The following KCNQ3 variants were observed in gnomAD, a reference collection of about 807,000 sequenced individuals.
KCNQ3 encodes the protein potassium voltage-gated channel subfamily Q member 3, also known as potassium voltage-gated channel subfamily KQT member 3.
In KCNQ3, 30 loss-of-function variants were observed where a neutral mutation model predicts 92.5. The ratio of observed to expected loss-of-function variants is 0.32; its 90% CI spans 0.24 to 0.44. The LOEUF is 0.44. KCNQ3 is among the 20% of genes least tolerant of loss of function. The probability of loss-of-function intolerance (pLI) is 1.00; values close to 1 mark genes in which losing one functional copy is unlikely to be tolerated. For missense variants in KCNQ3, 913 were observed against 1,140.3 expected (o/e 0.80, Z 2.87); for synonymous variants, 450 against 468.8 (o/e 0.96, Z 0.52).
intron 1 of KCNQ3, among the ~76,000 whole-genome samples, chr8:132,409,980 T>G (rs957422016): frequency 1.3e-5 from 2 of 152,174 alleles, no homozygotes; most frequent in Non-Finnish European, 2.9e-5. Flanking sequence ...AATGATAGAT[T>G]TAGTCTGGCA....
At chr8:132,197,997 T>TAATTCCCTCTGCTTA (rs1827351030) in intron 1 of KCNQ3, among the ~76,000 whole-genome samples, 1 of 152,212 alleles carries the variant, frequency 6.6e-6, no homozygotes, top group African/African-American at 2.4e-5. Context: ...CATTCTTAGG[T>TAATTCCCTCTGCTTA]AATTCCCTCT....
rs1554624534 is a variant in KCNQ3, at chr8:132,154,208, T to TTGTTTTTTTTG, written c.1262+9259_1262+9260insCAAAAAAAACA. Among the ~76,000 whole-genome samples, 14 of 142,304 alleles carry TTGTTTTTTTTG rather than the reference T, an allele frequency of 9.8e-5. 1 individual carries two copies. The highest frequency in any genetic ancestry group is 3.5e-4 in the African/African-American group (13 of 37,438). 93.4% of individuals were successfully genotyped at this position (142,304 alleles called of 152,430 possible). On this transcript the variant is annotated intron_variant, in intron 9 of 14. Transcript: ENST00000388996. Reference sequence around the variant, plus strand: ...AAGGGTAAAAGTTTTTTTTTTTTTTTTTTTTTTTTTTTTTTAGCCAATCAG... The same window carrying TTGTTTTTTTTG: ...AAGGGTAAAAGTTTTTTTTTTTTTTTTGTTTTTTTTGTTTTTTTTTTTTTTTAGCCAATCAG...
chr8:132,351,982 G>T (rs9297847), intron 1 of KCNQ3, among the ~76,000 whole-genome samples: 65,673 of 151,972 alleles, frequency 0.43, 16,293 homozygotes, highest in African/African-American at 0.69. Flanking sequence ...AAGTCAGCAG[G>T]CTTAGAGTCG....
chr8:132,133,785 AT>A lies in KCNQ3; in HGVS notation c.1799+504del, dbSNP rs550195179. Among the ~76,000 whole-genome samples the A allele has an allele frequency of 1.8e-3, 270 of 152,376 alleles. 1 individual carries two copies. Among genetic ancestry groups the A allele is most frequent in the African/African-American group, 6.2e-3 (257 of 41,590 alleles). On this transcript the variant is annotated intron_variant, in intron 13 of 14. Coordinates refer to ENST00000388996, the MANE Select transcript of KCNQ3 (RefSeq NM_004519.4). ...TTAGGCAGTGGACTTTCTAAAGAAC[AT>A]CTTATTCAAAATTTTGAAGCTTTGG...
At chr8:132,325,668 G>T (rs1246234095) in intron 1 of KCNQ3, among the ~76,000 whole-genome samples, 1 of 152,218 alleles carries the variant, frequency 6.6e-6, no homozygotes, top group Non-Finnish European at 1.5e-5. Context: ...AAACCACCCT[G>T]TTGACACCTT....
intron 1 of KCNQ3, among the ~76,000 whole-genome samples, chr8:132,382,476 G>C (rs1423582922): frequency 6.6e-6 from 1 of 152,166 alleles, no homozygotes; most frequent in Non-Finnish European, 1.5e-5. Context: ...GCAGATGCTG[G>C]AGCCACACTT....
chr8:132,287,300 T>C (rs969473549), intron 1 of KCNQ3, among the ~76,000 whole-genome samples: 5 of 152,116 alleles, frequency 3.3e-5, no homozygotes, highest in Non-Finnish European at 5.9e-5. Context: ...TATAAAAGGG[T>C]TGGGTATAAA....
At chr8:132,171,133 C>T (rs142132082) in intron 7 of KCNQ3, among the ~76,000 whole-genome samples, 4 of 152,250 alleles carry the variant, frequency 2.6e-5, no homozygotes, top group African/African-American at 9.6e-5. Flanking sequence ...GTCTTTTGTA[C>T]CATTTCTGGG....
rs907278182 is a variant in KCNQ3 at position 132,128,902 on chromosome 8, C to T, written c.*360G>A. 1.2e-5 allele frequency: 3 copies of T among 248,852 alleles called. No individual in the cohort carries two copies. Among genetic ancestry groups the T allele is most frequent in the African/African-American group, 4.4e-5 (2 of 45,778 alleles). The allele number at this position is 248,852 out of a possible 1,614,324, so 15.4% of individuals were successfully genotyped here. A position where few individuals can be genotyped will look rare whatever the true frequency, so the allele number is the denominator to read the frequency against. ...TAAACTACTTTCTCTGCTTACCAAA[C>T]CAAAACCCAAACCAGCCAACCAAAC... On this transcript the variant is annotated 3_prime_UTR_variant, in exon 15 of 15. Transcript: ENST00000388996.
At chr8:132,392,790 C>CAAAAAA (rs56183412) in intron 1 of KCNQ3, among the ~76,000 whole-genome samples, 90 of 72,564 alleles carry the variant, frequency 1.2e-3, no homozygotes, top group Non-Finnish European at 1.5e-3. Flanking sequence ...GAACCTGTCT[C>CAAAAAA]AAAAAAAAAA....
At chr8:132,440,890 A>C (rs1821519850) in intron 1 of KCNQ3, among the ~76,000 whole-genome samples, 1 of 152,214 alleles carries the variant, frequency 6.6e-6, no homozygotes, top group Admixed American at 6.5e-5. Context: ...ACCATGAGTG[A>C]CCTTCTGCTC....
chr8:132,443,471 A>C (rs1180637524), intron 1 of KCNQ3, among the ~76,000 whole-genome samples: 2 of 152,208 alleles, frequency 1.3e-5, no homozygotes, highest in African/African-American at 4.8e-5. Flanking sequence ...GCCTGGATGG[A>C]GATGTCCACG....
intron 1 of KCNQ3, among the ~76,000 whole-genome samples, chr8:132,187,702 G>GTGATGA (rs1827017543): frequency 1.1e-5 from 1 of 90,658 alleles, no homozygotes; most frequent in Non-Finnish European, 2.3e-5. Context: ...TGTGATGATA[G>GTGATGA]TGGTGGTGGT....
In KCNQ3 at chr8:132,269,056, T is replaced by C. The variant is rs559342806; in HGVS notation, c.387-82875A>G. Among the ~76,000 whole-genome samples, 4 of 152,372 alleles carry C rather than the reference T, an allele frequency of 2.6e-5. No individual in the cohort carries two copies. In the East Asian group the frequency reaches 7.7e-4, roughly 29 times the overall value. ...TATATCTTCTTTGGTGAGGTGTCTA[T>C]TAAAGTGTTTGGTCCATTTTTTAAA... On this transcript the variant is annotated intron_variant, in intron 1 of 14. Coordinates refer to ENST00000388996, the MANE Select transcript of KCNQ3 (RefSeq NM_004519.4).
chr8:132,141,237 T>C lies in KCNQ3; in HGVS notation c.1357A>G (p.Ile453Val). 6.2e-7 allele frequency: 1 copy of C among 1,614,122 alleles called. No individual in the cohort carries two copies. Among genetic ancestry groups the C allele is most frequent in the East Asian group, 2.2e-5 (1 of 44,876 alleles). Residue 453 changes from isoleucine (I) to valine (V), a missense_variant, in exon 10 of 15, where the codon ATA (isoleucine) becomes GTA (valine). Coordinates refer to ENST00000388996, the MANE Select transcript of KCNQ3 (RefSeq NM_004519.4). ...KLFTPLNVDA[I>V]EESPSKEPKP... ...GGTTCTTTAGAAGGACTTTCTTCTA[T>C]GGCATCTACATTCAGAGGGGTAAAT...
chr8:132,249,663 C>G (rs549917477), intron 1 of KCNQ3, among the ~76,000 whole-genome samples: 142 of 152,350 alleles, frequency 9.3e-4, no homozygotes, highest in African/African-American at 3.3e-3. Context: ...GCCTGCACAC[C>G]TCAGCTGTTG....
chr8:132,347,618 T>C (rs1818732169), intron 1 of KCNQ3, among the ~76,000 whole-genome samples: 1 of 152,086 alleles, frequency 6.6e-6, no homozygotes, highest in African/African-American at 2.4e-5. Context: ...TCAAAGAAGA[T>C]CTTGTTTTAA....
intron 1 of KCNQ3, among the ~76,000 whole-genome samples, chr8:132,368,055 C>G (rs186135512): frequency 6.6e-6 from 1 of 152,312 alleles, no homozygotes; most frequent in Admixed American, 6.5e-5. Flanking sequence ...GCAACAGCAC[C>G]TCCTTTCACA....
intron 1 of KCNQ3, among the ~76,000 whole-genome samples, chr8:132,215,922 G>A (rs971007983): frequency 3.3e-5 from 5 of 152,116 alleles, no homozygotes; most frequent in African/African-American, 4.8e-5. Context: ...TGCTCAGGAC[G>A]CCTCATCTTA....
Sources: gnomAD v4.1 joint callset for allele counts (sites outside exome capture counted in the v4.1 genomes callset) on GRCh38, gnomAD v4.1.1 for gene constraint, MANE v1.5 for transcripts, NCBI Gene and HGNC (gene_info 2026-07-23, HGNC 2026-07-21) for gene names.